MED15: variants seen among roughly 807,000 people sequenced by gnomAD.
MED15 encodes mediator of RNA polymerase II transcription subunit 15.
MED15 carries 41 observed loss-of-function variants against 118.7 expected under a neutral mutation model. The observed-to-expected ratio is 0.35, with a 90% confidence interval of 0.27 to 0.45. MED15 has a LOEUF of 0.45. Among genes scored for constraint, MED15 ranks in the 20% least tolerant of loss-of-function variants. The pLI, the probability that MED15 is intolerant of heterozygous loss-of-function variation, is 1.00. For missense variants in MED15, 740 were observed against 1,025.5 expected, an observed-to-expected ratio of 0.72 and a Z score of 3.80; for synonymous variants, 436 against 413.9, an observed-to-expected ratio of 1.05 and a Z score of -0.65.
chr22:20,572,005 C>T (rs774662786), intron 8 of MED15, among the ~76,000 whole-genome samples: 6 of 152,184 alleles, frequency 3.9e-5, no homozygotes, highest in Non-Finnish European at 8.8e-5. Flanking sequence ...CCCTGGTCGG[C>T]ACGAAGGAAC....
chr22:20,582,919 A>C lies in MED15; in HGVS notation c.1489A>C (p.Thr497Pro), dbSNP rs2057032315. The C allele has an allele frequency of 6.2e-7, 1 of 1,613,414 alleles. No individual in the cohort carries two copies. Among genetic ancestry groups the C allele is most frequent in the African/African-American group, 1.3e-5 (1 of 74,912 alleles). Residue 497 changes from threonine to proline, a missense_variant, in exon 11 of 18, where the codon ACC becomes CCC. Thr to Pro is a conservative substitution (Grantham distance 38). Coordinates refer to ENST00000263205, the MANE Select transcript of MED15 (RefSeq NM_001003891.3). Reference sequence around the variant, plus strand: ...CTCCCAGAGCCCAGTGACGGCGCGGACCCCACAGAACTTCAGTGTCCCCTC... The same window carrying C: ...CTCCCAGAGCCCAGTGACGGCGCGGCCCCCACAGAACTTCAGTGTCCCCTC... ...QPSQSPVTAR[T>P]PQNFSVPSPG...
rs1436098567 is a variant in MED15 at position 20,507,623 on chromosome 22, A to AGGC, written c.-47_-45dup. ...GGGTTTGGGCCTGGCTCTGTGACTG[A>AGGC]GGCGGCGGCGGTGGCGGCCAAGCGG... On this transcript the variant is annotated 5_prime_UTR_variant, in exon 1 of 18. Coordinates refer to ENST00000263205, the MANE Select transcript of MED15 (RefSeq NM_001003891.3). The AGGC allele has an allele frequency of 3.7e-6, 6 of 1,608,174 alleles. No individual in the cohort carries two copies. Among genetic ancestry groups the AGGC allele is most frequent in the East Asian group, 2.2e-5 (1 of 44,854 alleles).
intron 2 of MED15, among the ~76,000 whole-genome samples, chr22:20,549,713 C>T (rs2055695549): frequency 6.6e-6 from 1 of 152,158 alleles, no homozygotes; most frequent in Non-Finnish European, 1.5e-5. Context: ...CAGGCGTCCC[C>T]TCCCTCCCCG....
At chr22:20,574,872 C>A in intron 8 of MED15, 1 of 550,486 alleles carries the variant, frequency 1.8e-6, no homozygotes, top group Non-Finnish European at 3.3e-6. Flanking sequence ...ACCAGTAGAA[C>A]AGAAAGGTCT....
intron 8 of MED15, 82 bp from the exon 9 acceptor site, chr22:20,575,031 G>A: frequency 1.3e-6 from 2 of 1,586,766 alleles, no homozygotes; most frequent in Non-Finnish European, 1.7e-6. Context: ...TCTTGCAGAG[G>A]CTACACGTGC....
At chr22:20,531,576 A>G (rs1215852969) in intron 1 of MED15, among the ~76,000 whole-genome samples, 1 of 152,136 alleles carries the variant, frequency 6.6e-6, no homozygotes, top group African/African-American at 2.4e-5. Context: ...CCTGGCCTCC[A>G]CTGCCAGGAC....
chr22:20,578,451 C>G, intron 9 of MED15, among the ~76,000 whole-genome samples: 1 of 152,232 alleles, frequency 6.6e-6, no homozygotes, highest in East Asian at 1.9e-4. Flanking sequence ...GCTCTTGGTA[C>G]AGTCTCCCAC....
chr22:20,566,719 C>G lies in MED15; in HGVS notation c.943C>G (p.Pro315Ala), dbSNP rs1453731006. ...GCAGCCTCCAGTTGCTCAGAACCAA[C>G]CATCACAACTCCCGCCACAGTCGCA... ...PQQPPVAQNQ[P>A]SQLPPQSQTQ... Residue 315 changes from proline (P) to alanine (A), a missense_variant, in exon 7 of 18, where the codon CCA becomes GCA. By Grantham distance (27) the Pro-to-Ala change is conservative. Transcript: ENST00000263205. The G allele has an allele frequency of 6.2e-7, 1 of 1,614,070 alleles. No homozygotes were observed. The highest frequency in any genetic ancestry group is 1.3e-5 in the African/African-American group (1 of 74,924).
chr22:20,576,443 G>T (rs1299264858), intron 9 of MED15, among the ~76,000 whole-genome samples: 4 of 152,242 alleles, frequency 2.6e-5, no homozygotes, highest in Admixed American at 2.6e-4. Flanking sequence ...CCCAAGCCTG[G>T]TGCCACACAC....
intron 1 of MED15, among the ~76,000 whole-genome samples, chr22:20,532,326 T>C (rs1396704427): frequency 6.6e-6 from 1 of 152,192 alleles, no homozygotes; most frequent in Non-Finnish European, 1.5e-5. Flanking sequence ...AGAGCTTTTC[T>C]TGATGTATCC....
chr22:20,528,012 G>A (rs1425938143), intron 1 of MED15, among the ~76,000 whole-genome samples: 1 of 150,852 alleles, frequency 6.6e-6, no homozygotes, highest in Non-Finnish European at 1.5e-5. Flanking sequence ...TCTCGCCTCA[G>A]CCTCTGAAAG....
At chr22:20,574,974 C>A in intron 8 of MED15, 139 bp from the exon 9 acceptor site, 1 of 1,303,204 alleles carries the variant, frequency 7.7e-7, no homozygotes, top group Non-Finnish European at 1.1e-6. Context: ...GGCCTCCCCT[C>A]CCAGGCTGCC....
chr22:20,584,665 G>A (rs1231721737), intron 14 of MED15, 190 bp from the exon 15 acceptor site: 1 of 873,656 alleles, frequency 1.1e-6, no homozygotes, highest in South Asian at 1.7e-5. Flanking sequence ...GGCAGGGACT[G>A]TAGGGAGGAT....
At chr22:20,545,207 C>T (rs994763255) in intron 2 of MED15, among the ~76,000 whole-genome samples, 17 of 152,212 alleles carry the variant, frequency 1.1e-4, no homozygotes, top group Admixed American at 7.2e-4. Flanking sequence ...AGGCCAGGCA[C>T]GGTGGCCCAT....
chr22:20,566,320 G>A (rs1601599850), intron 6 of MED15, 147 bp from the exon 7 acceptor site: 10 of 1,414,210 alleles, frequency 7.1e-6, no homozygotes, highest in South Asian at 3.9e-5. Context: ...GATTACAGGC[G>A]TGAGCCACTG....
chr22:20,530,681 G>A (rs1312523440), intron 1 of MED15, among the ~76,000 whole-genome samples: 1 of 152,166 alleles, frequency 6.6e-6, no homozygotes, highest in Non-Finnish European at 1.5e-5. Flanking sequence ...AAGAGTCAGG[G>A]CGTGGAGCAG....
intron 1 of MED15, among the ~76,000 whole-genome samples, chr22:20,515,504 C>G (rs531586051): frequency 1.4e-3 from 215 of 152,000 alleles, no homozygotes; most frequent in African/African-American, 4.9e-3. Flanking sequence ...ATAAAGTTTA[C>G]GAAGGCTGGG....
intron 8 of MED15, chr22:20,574,872 C>T (rs2056775924): frequency 7.3e-6 from 4 of 550,486 alleles, no homozygotes; most frequent in Non-Finnish European, 1.3e-5. Flanking sequence ...ACCAGTAGAA[C>T]AGAAAGGTCT....
chr22:20,562,441 G>C (rs950211533), intron 5 of MED15, among the ~76,000 whole-genome samples: 3 of 152,178 alleles, frequency 2.0e-5, no homozygotes, highest in Non-Finnish European at 4.4e-5. Flanking sequence ...CTGGAGTGCA[G>C]TGGCGCGATC....
Sources: gnomAD v4.1 joint callset for allele counts (sites outside exome capture counted in the v4.1 genomes callset) on GRCh38, gnomAD v4.1.1 for gene constraint, MANE v1.5 for transcripts, NCBI Gene and HGNC (gene_info 2026-07-23, HGNC 2026-07-21) for gene names.